Variants in BIRC2 observed in about 807,000 individuals in gnomAD.
BIRC2 encodes the protein baculoviral IAP repeat containing 2, also known as baculoviral IAP repeat-containing protein 2.
In BIRC2, 18 loss-of-function variants were observed where a neutral mutation model predicts 60.9. That is an observed-to-expected ratio of 0.30 (90% confidence interval 0.20 to 0.44). BIRC2 has a LOEUF of 0.44. Ranked by LOEUF, BIRC2 falls within the 20% of genes least tolerant of loss-of-function variation. BIRC2 has a pLI of 1.00. For synonymous variants in BIRC2, 282 were observed against 247.7 expected (o/e 1.14, Z -1.30); for missense variants, 701 against 728.5 (o/e 0.96, Z 0.43).
chr11:102,372,766 G>T (rs1287048257), intron 6 of BIRC2, among the ~76,000 whole-genome samples: 1 of 125,514 alleles, frequency 8.0e-6, no homozygotes, highest in Non-Finnish European at 1.7e-5. Context: ...TGACAGTGGG[G>T]TGTTAAAGTC....
intron 6 of BIRC2, among the ~76,000 whole-genome samples, chr11:102,376,721 T>A (rs537153442): frequency 6.6e-6 from 1 of 152,334 alleles, no homozygotes; most frequent in Non-Finnish European, 1.5e-5. Context: ...TTTTAATTGC[T>A]ATAAACATAG....
chr11:102,355,859 T>A (rs1274537054), intron 3 of BIRC2, among the ~76,000 whole-genome samples: 1 of 152,220 alleles, frequency 6.6e-6, no homozygotes, highest in Non-Finnish European at 1.5e-5. Context: ...CTAAGTATTT[T>A]ATTGTTTTGG....
At chr11:102,356,884 G>C (rs1951428957) in intron 3 of BIRC2, among the ~76,000 whole-genome samples, 2 of 151,536 alleles carry the variant, frequency 1.3e-5, no homozygotes, top group Non-Finnish European at 2.9e-5. Flanking sequence ...TCACCAGGCT[G>C]GTCTCAAACT....
chr11:102,352,094 G>C (rs2510491), intron 3 of BIRC2, among the ~76,000 whole-genome samples: 25,990 of 149,888 alleles, frequency 0.17, 3,102 homozygotes, highest in African/African-American at 0.33. Context: ...AACCACCATT[G>C]TCTTTCTCTT....
intron 3 of BIRC2, among the ~76,000 whole-genome samples, chr11:102,357,521 A>G (rs11501344): frequency 0.064 from 9,770 of 152,144 alleles, 363 homozygotes; most frequent in Non-Finnish European, 0.081. Context: ...TTTAGTCTTG[A>G]TAAATTACAA....
At chr11:102,364,115 T>C (rs1428798448) in intron 5 of BIRC2, among the ~76,000 whole-genome samples, 1 of 128,914 alleles carries the variant, frequency 7.8e-6, no homozygotes, top group African/African-American at 3.0e-5. Flanking sequence ...TAGGGAAAAA[T>C]ACTGGGAAGT....
intron 3 of BIRC2, 111 bp from the exon 4 acceptor site, chr11:102,362,785 A>G: frequency 1.3e-6 from 1 of 755,198 alleles, no homozygotes; most frequent in East Asian, 2.7e-5. Context: ...GTGACGTAAA[A>G]TGTTTTTACT....
Position 102,350,667 on chromosome 11 carries a change from T to G in BIRC2, c.813T>G (p.Ala271=), listed in dbSNP as rs140097579. Residue 271 remains alanine (A), a synonymous_variant, in exon 2 of 9, where the codon GCT becomes GCG. Coordinates refer to ENST00000227758, the MANE Select transcript of BIRC2 (RefSeq NM_001166.5). ...ISNLSMQTHA[A]RMRTFMYWPS... Reference sequence around the variant, plus strand: ...ATCTGAGCATGCAGACACATGCAGCTCGAATGAGAACATTTATGTACTGGC... The same window carrying G: ...ATCTGAGCATGCAGACACATGCAGCGCGAATGAGAACATTTATGTACTGGC... 15 of 1,613,794 alleles carry G rather than the reference T, an allele frequency of 9.3e-6. No individual in the cohort carries two copies. The highest frequency in any genetic ancestry group is 1.3e-5 in the Non-Finnish European group (15 of 1,180,046).
intron 3 of BIRC2, among the ~76,000 whole-genome samples, chr11:102,353,484 G>GTTTTTTTTTTTT (rs1565331945): frequency 6.6e-6 from 1 of 151,768 alleles, no homozygotes; most frequent in African/African-American, 2.4e-5. Flanking sequence ...ACACTCAGTA[G>GTTTTTTTTTTTT]TTTTTGTATT....
chr11:102,349,436 T>C lies in BIRC2; in HGVS notation c.-419T>C, dbSNP rs573052906. On this transcript the variant is annotated 5_prime_UTR_variant, in exon 2 of 9. Transcript: ENST00000227758. ...GGCATAATCAGTAATTGGTCTGTTATTCAGGCTTCATAGCTTGTAACCAAA... is the reference window on the plus strand; with the variant it reads ...GGCATAATCAGTAATTGGTCTGTTACTCAGGCTTCATAGCTTGTAACCAAA... 1.1e-3 allele frequency: 169 copies of C among 154,834 alleles called. No individual in the cohort carries two copies. Among genetic ancestry groups the C allele is most frequent in the Non-Finnish European group, 1.7e-3 (117 of 69,758 alleles). 9.6% of individuals were successfully genotyped at this position (154,834 alleles called of 1,614,324 possible).
chr11:102,370,559 G>A (rs1370655213), intron 6 of BIRC2, among the ~76,000 whole-genome samples: 1 of 143,470 alleles, frequency 7.0e-6, no homozygotes, highest in Non-Finnish European at 1.5e-5. Context: ...TGCTGTTTTG[G>A]TTACTGTAGC....
chr11:102,369,447 G>T (rs1174649981), intron 6 of BIRC2, among the ~76,000 whole-genome samples: 1 of 151,354 alleles, frequency 6.6e-6, no homozygotes, highest in Admixed American at 6.6e-5. Context: ...AGTTTACTGA[G>T]AATGATGATT....
At chr11:102,377,125 C>T (rs1473472630) in intron 6 of BIRC2, among the ~76,000 whole-genome samples, 1 of 152,046 alleles carries the variant, frequency 6.6e-6, no homozygotes, top group African/African-American at 2.4e-5. Context: ...GTTTAATTGA[C>T]AGGATCACTG....
chr11:102,368,598 G>C, intron 6 of BIRC2, 50 bp downstream of exon 6: 3 of 1,590,246 alleles, frequency 1.9e-6, no homozygotes, highest in Non-Finnish European at 2.6e-6. Flanking sequence ...GAGCTCTTAG[G>C]ACTGTCTCAC....
At chr11:102,374,873 G>A (rs889004911) in intron 6 of BIRC2, among the ~76,000 whole-genome samples, 2 of 152,172 alleles carry the variant, frequency 1.3e-5, no homozygotes, top group African/African-American at 2.4e-5. Context: ...CTCTTGGTTC[G>A]CCGTTTTTTA....
At chr11:102,363,102 G>A (rs1951504350) in intron 4 of BIRC2, 128 bp downstream of exon 4, 12 of 623,328 alleles carry the variant, frequency 1.9e-5, no homozygotes, top group Admixed American at 2.8e-5. Context: ...GATCACTTTT[G>A]TACCAACCTA....
intron 5 of BIRC2, among the ~76,000 whole-genome samples, chr11:102,366,606 A>G (rs1419852170): frequency 1.3e-5 from 2 of 151,834 alleles, no homozygotes; most frequent in East Asian, 3.9e-4. Flanking sequence ...TCCTCACCTC[A>G]TGATCCGCCC....
At chr11:102,375,835 C>T (rs1951706463) in intron 6 of BIRC2, among the ~76,000 whole-genome samples, 2 of 151,076 alleles carry the variant, frequency 1.3e-5, no homozygotes. Flanking sequence ...GCTATTTATT[C>T]AACCAGACAT....
intron 6 of BIRC2, among the ~76,000 whole-genome samples, chr11:102,375,521 C>CTG (rs1951701199): frequency 6.6e-6 from 1 of 152,210 alleles, no homozygotes; most frequent in South Asian, 2.1e-4. Flanking sequence ...TGGCTCATGC[C>CTG]TGTAATCCCA....
Sources: gnomAD v4.1 joint callset for allele counts (sites outside exome capture counted in the v4.1 genomes callset) on GRCh38, gnomAD v4.1.1 for gene constraint, MANE v1.5 for transcripts, NCBI Gene and HGNC (gene_info 2026-07-23, HGNC 2026-07-21) for gene names.